SAMSN1: variants seen among roughly 807,000 people sequenced by gnomAD.
SAMSN1 encodes the protein SAM domain-containing protein SAMSN-1.
SAMSN1 carries 31 observed loss-of-function variants against 42.0 expected under a neutral mutation model. That is an observed-to-expected ratio of 0.74 (90% CI 0.55 to 1.00). The LOEUF (loss-of-function observed/expected upper bound fraction) is 1.00. Ranked by LOEUF, SAMSN1 falls within the 50% of genes least tolerant of loss-of-function variation. The probability of loss-of-function intolerance (pLI) is 0.00; values close to 1 mark genes in which losing one functional copy is unlikely to be tolerated. For synonymous variants in SAMSN1, 178 were observed against 151.9 expected (o/e 1.17, Z -1.26); for missense variants, 464 against 439.4 (o/e 1.06, Z -0.50).
chr21:14,537,557 C>T (rs36027342), intron 1 of SAMSN1, among the ~76,000 whole-genome samples: 34,818 of 151,960 alleles, frequency 0.23, 4,495 homozygotes, highest in Admixed American at 0.39. Flanking sequence ...AATGAATGAA[C>T]GAATGCATGG....
At chr21:14,509,617 G>A (rs942331327) in intron 5 of SAMSN1, among the ~76,000 whole-genome samples, 2 of 152,124 alleles carry the variant, frequency 1.3e-5, no homozygotes, top group African/African-American at 4.8e-5. Flanking sequence ...CTCAGCTCTC[G>A]CCTGACATTT....
In SAMSN1 at chr21:14,546,270, CTGACT is replaced by C. The variant is rs1398115639; in HGVS notation, c.-14_-10del. On this transcript the variant is annotated 5_prime_UTR_variant, in exon 1 of 8. Transcript: ENST00000400566. The stretch of plus-strand genomic sequence containing the variant: ...GGCTTTCTCTTGAGCATTTTGAATT[CTGACT>C]ACTCCTAGTGAGTGCACTTTCTGCT... 3 of 1,613,450 alleles carry C rather than the reference CTGACT, an allele frequency of 1.9e-6. No individual in the cohort carries two copies. In the South Asian group the frequency reaches 3.3e-5, roughly 18 times the overall value.
chr21:14,651,703 A>G (rs1259826210), intron 1 of SAMSN1, among the ~76,000 whole-genome samples: 1 of 152,054 alleles, frequency 6.6e-6, no homozygotes, highest in Admixed American at 6.6e-5. Flanking sequence ...AAAGATATAC[A>G]TGGCATCCAA....
Position 14,521,465 on chromosome 21 carries a change from T to C in SAMSN1, c.58-244A>G, listed in dbSNP as rs534868133. ...CGTTAAGTAAGCACCTTGGAGAAAA[T>C]CTTGGTTAAATTATTTTAAATTTTT... On this transcript the variant is annotated intron_variant, in intron 1 of 7. Transcript: ENST00000400566. Among the ~76,000 whole-genome samples, 4 of 152,304 alleles carry C rather than the reference T, an allele frequency of 2.6e-5. No individual in the cohort carries two copies. In the East Asian group the frequency reaches 7.7e-4, roughly 29 times the overall value.
At chr21:14,602,194 T>C in intron 5 of SAMSN1, 1 of 399,794 alleles carries the variant, frequency 2.5e-6, no homozygotes, top group Non-Finnish European at 4.6e-6. Context: ...TTATTTAGTC[T>C]GTAAGACATT....
chr21:14,628,932 A>G (rs574877508), intron 2 of SAMSN1, among the ~76,000 whole-genome samples: 1 of 152,316 alleles, frequency 6.6e-6, no homozygotes, highest in East Asian at 1.9e-4. Flanking sequence ...AGGTAAATTT[A>G]TAGATGGGTA....
chr21:14,547,085 T>C (rs1266307200), upstream of SAMSN1, among the ~76,000 whole-genome samples: 3 of 152,212 alleles, frequency 2.0e-5, no homozygotes. Flanking sequence ...TAATCCTACT[T>C]AAAGCATGTA....
chr21:14,566,042 T>C (rs1981106418), intron 2 of SAMSN1, among the ~76,000 whole-genome samples: 1 of 152,202 alleles, frequency 6.6e-6, no homozygotes, highest in South Asian at 2.1e-4. Flanking sequence ...TCGTTATTAG[T>C]AAAGACATAA....
chr21:14,486,564 T>C (rs1986447269), intron 7 of SAMSN1, among the ~76,000 whole-genome samples: 1 of 152,186 alleles, frequency 6.6e-6, no homozygotes, highest in African/African-American at 2.4e-5. Context: ...TTTAGATTCA[T>C]GATAATCTAG....
chr21:14,642,348 G>A (rs976858433), intron 2 of SAMSN1, among the ~76,000 whole-genome samples: 5 of 152,178 alleles, frequency 3.3e-5, no homozygotes, highest in African/African-American at 1.2e-4. Flanking sequence ...ATTTGCATTT[G>A]CCAGTTTGTA....
intron 6 of SAMSN1, 22 bp from the exon 7 acceptor site, chr21:14,498,614 G>A: frequency 1.3e-6 from 2 of 1,529,786 alleles, no homozygotes; most frequent in Non-Finnish European, 1.8e-6. Flanking sequence ...AAAATATAAA[G>A]CAAATTAGTC....
At chr21:14,604,149 T>G (rs532452335) in intron 5 of SAMSN1, among the ~76,000 whole-genome samples, 46 of 152,256 alleles carry the variant, frequency 3.0e-4, no homozygotes, top group African/African-American at 1.1e-3. Context: ...CAAATATTAC[T>G]CTCCAAAAAT....
intron 2 of SAMSN1, among the ~76,000 whole-genome samples, chr21:14,618,251 T>C (rs895345525): frequency 5.9e-5 from 9 of 152,234 alleles, no homozygotes; most frequent in African/African-American, 2.2e-4. Flanking sequence ...TGAAACTTCT[T>C]TTTAATCTCT....
chr21:14,612,856 T>A, intron 4 of SAMSN1: 1 of 705,178 alleles, frequency 1.4e-6, no homozygotes, highest in Non-Finnish European at 2.6e-6. Context: ...TTTACACTTG[T>A]AACCTTAGGA....
intron 1 of SAMSN1, among the ~76,000 whole-genome samples, chr21:14,543,026 A>T (rs1237604180): frequency 6.6e-6 from 1 of 152,200 alleles, no homozygotes. Context: ...TTTTTAACTA[A>T]CCTAAGTACA....
At chr21:14,506,603 C>G (rs1207309100) in intron 5 of SAMSN1, among the ~76,000 whole-genome samples, 1 of 152,146 alleles carries the variant, frequency 6.6e-6, no homozygotes, top group Non-Finnish European at 1.5e-5. Flanking sequence ...CAGCAGCATT[C>G]TACCAGACAT....
intron 5 of SAMSN1, among the ~76,000 whole-genome samples, chr21:14,507,785 C>T (rs947136599): frequency 6.6e-6 from 1 of 151,808 alleles, no homozygotes; most frequent in East Asian, 1.9e-4. Context: ...CATCACATTA[C>T]CTAATTTCAA....
chr21:14,493,297 GC>G (rs1158325575), intron 7 of SAMSN1, among the ~76,000 whole-genome samples: 5 of 152,108 alleles, frequency 3.3e-5, no homozygotes, highest in Non-Finnish European at 1.5e-5. Flanking sequence ...TGTAAAGTTT[GC>G]TTATTCTGTT....
intron 2 of SAMSN1, among the ~76,000 whole-genome samples, chr21:14,625,634 T>C (rs546964244): frequency 1.3e-5 from 2 of 152,136 alleles, no homozygotes; most frequent in Non-Finnish European, 2.9e-5. Flanking sequence ...AAAGAGGACA[T>C]AAACAAGTGG....
Sources: allele counts gnomAD v4.1 joint callset (sites outside exome capture counted in the v4.1 genomes callset), GRCh38; gene constraint gnomAD v4.1.1; transcripts MANE v1.5; gene names NCBI Gene and HGNC (gene_info 2026-07-23, HGNC 2026-07-21).